Variants in MYBPC1 observed in about 807,000 individuals in gnomAD.
The protein encoded by MYBPC1 is myosin binding protein C1.
In MYBPC1, 52 loss-of-function variants were observed where a neutral mutation model predicts 147.1. That is an observed-to-expected ratio of 0.35 (90% CI 0.28 to 0.45). The LOEUF is 0.45. Among genes scored for constraint, MYBPC1 ranks in the 20% least tolerant of loss-of-function variants. The pLI is 1.00. For synonymous variants in MYBPC1, 477 were observed against 475.9 expected (o/e 1.00, Z -0.03); for missense variants, 1,228 against 1,440.3 (o/e 0.85, Z 2.39).
At chr12:101,620,346 CA>C (rs1887094393) in intron 3 of MYBPC1, among the ~76,000 whole-genome samples, 1 of 152,192 alleles carries the variant, frequency 6.6e-6, no homozygotes, top group Non-Finnish European at 1.5e-5. Context: ...TCTGTATGCT[CA>C]GTGGGGCCAA....
intron 21 of MYBPC1, among the ~76,000 whole-genome samples, 179 bp downstream of exon 21, chr12:101,662,725 T>C (rs1338057412): frequency 6.6e-6 from 1 of 152,232 alleles, no homozygotes; most frequent in Non-Finnish European, 1.5e-5. Flanking sequence ...TTTGGTCAAG[T>C]TGAATAACTT....
intron 31 of MYBPC1, 101 bp from the exon 32 acceptor site, chr12:101,685,481 T>A (rs1951298132): frequency 1.3e-6 from 1 of 783,968 alleles, no homozygotes; most frequent in South Asian, 1.5e-5. Flanking sequence ...AATGGGAACA[T>A]GATTAGTCAC....
At chr12:101,625,773 G>A (rs1035819746) in intron 3 of MYBPC1, among the ~76,000 whole-genome samples, 3 of 152,278 alleles carry the variant, frequency 2.0e-5, no homozygotes, top group East Asian at 3.9e-4. Context: ...AATAGAGATG[G>A]TCTTCCAAGC....
At chr12:101,672,189 C>T (rs1898881966) in intron 24 of MYBPC1, among the ~76,000 whole-genome samples, 2 of 152,202 alleles carry the variant, frequency 1.3e-5, no homozygotes, top group Non-Finnish European at 2.9e-5. Context: ...TCAACAACGT[C>T]GTTCTCTGCT....
At chr12:101,649,159 T>A in intron 14 of MYBPC1, 101 bp from the exon 15 acceptor site, 1 of 1,039,340 alleles carries the variant, frequency 9.6e-7, no homozygotes, top group Non-Finnish European at 1.5e-6. Context: ...GTGTCTCATA[T>A]CCTCCAGAAA....
At chr12:101,636,641 C>A in intron 9 of MYBPC1, 31 bp from the exon 10 acceptor site, 7 of 1,606,530 alleles carry the variant, frequency 4.4e-6, no homozygotes, top group Non-Finnish European at 6.0e-6. Flanking sequence ...CTGCATTAAA[C>A]CCAGATTTGC....
At chr12:101,672,686 A>T (rs1055243902) in intron 24 of MYBPC1, among the ~76,000 whole-genome samples, 2 of 152,086 alleles carry the variant, frequency 1.3e-5, no homozygotes, top group Non-Finnish European at 2.9e-5. Context: ...TGTTTCTACT[A>T]ACAACTAAAA....
intron 30 of MYBPC1, among the ~76,000 whole-genome samples, chr12:101,683,011 T>G: frequency 6.6e-6 from 1 of 152,348 alleles, no homozygotes; most frequent in East Asian, 1.9e-4. Context: ...GTAGAGAGAC[T>G]TTTTTAAAGA....
chr12:101,690,419 A>T (rs932414546), downstream of MYBPC1, among the ~76,000 whole-genome samples: 15 of 152,156 alleles, frequency 9.9e-5, no homozygotes, highest in African/African-American at 3.6e-4. Context: ...ACCTAGCCTA[A>T]TGTCTAAATA....
chr12:101,603,341 G>A (rs549865078), intron 1 of MYBPC1, among the ~76,000 whole-genome samples: 15 of 148,688 alleles, frequency 1.0e-4, no homozygotes, highest in East Asian at 2.0e-4. Context: ...GTGAAACTCC[G>A]TCTCAAAAAA....
chr12:101,684,305 C>A, intron 30 of MYBPC1, 77 bp from the exon 31 acceptor site: 1 of 1,100,430 alleles, frequency 9.1e-7, no homozygotes, highest in Non-Finnish European at 1.4e-6. Flanking sequence ...TTTCATCCAA[C>A]AAGTACTCAA....
intron 27 of MYBPC1, 108 bp downstream of exon 27, chr12:101,677,502 C>A: frequency 7.5e-7 from 1 of 1,330,106 alleles, no homozygotes; most frequent in Non-Finnish European, 1.1e-6. Context: ...GGTAAATGTA[C>A]ATTGTAAAAT....
At chr12:101,686,427 C>T (rs1951348268), downstream of MYBPC1, among the ~76,000 whole-genome samples, 1 of 152,198 alleles carries the variant, frequency 6.6e-6, no homozygotes, top group African/African-American at 2.4e-5. Context: ...AGGGCTGTTA[C>T]AGACAACAGA....
At chr12:101,640,624 A>G (rs1891834450) in intron 10 of MYBPC1, among the ~76,000 whole-genome samples, 3 of 152,060 alleles carry the variant, frequency 2.0e-5, no homozygotes, top group Admixed American at 6.5e-5. Context: ...ACTTCCTTCT[A>G]TTTTCCAGGA....
intron 16 of MYBPC1, among the ~76,000 whole-genome samples, chr12:101,652,219 C>T (rs1421406316): frequency 1.3e-5 from 2 of 152,082 alleles, no homozygotes; most frequent in African/African-American, 4.8e-5. Flanking sequence ...ATACTGTTTA[C>T]ACAGAAAGGA....
At chr12:101,682,456 C>A (rs1306757299) in intron 29 of MYBPC1, 148 bp from the exon 30 acceptor site, 2 of 688,240 alleles carry the variant, frequency 2.9e-6, no homozygotes, top group Non-Finnish European at 5.1e-6. Context: ...TTGATAAAAG[C>A]TTTTGGTCCT....
At chr12:101,677,122 T>A in intron 26 of MYBPC1, 113 bp from the exon 27 acceptor site, 1 of 988,312 alleles carries the variant, frequency 1.0e-6, no homozygotes, top group South Asian at 1.5e-5. Context: ...AAATGAGTGG[T>A]CTTTTTTTCT....
chr12:101,684,487 T>C, intron 31 of MYBPC1, 63 bp downstream of exon 31: 2 of 1,231,794 alleles, frequency 1.6e-6, no homozygotes, highest in South Asian at 2.4e-5. Flanking sequence ...ACCAAGCCTG[T>C]GGAGTATGGC....
chr12:101,684,774 T>C (rs1366432095), intron 31 of MYBPC1, among the ~76,000 whole-genome samples: 3 of 152,152 alleles, frequency 2.0e-5, no homozygotes, highest in Non-Finnish European at 4.4e-5. Flanking sequence ...GTGACTTGAG[T>C]TGTTTTTTTA....
Sources: allele counts gnomAD v4.1 joint callset (sites outside exome capture counted in the v4.1 genomes callset), GRCh38; gene constraint gnomAD v4.1.1; transcripts MANE v1.5; gene names NCBI Gene and HGNC (gene_info 2026-07-23, HGNC 2026-07-21).